Variants in TRPM1 observed in about 807,000 individuals in gnomAD.
TRPM1 encodes TRPM1-203 APA Isoform, Intron 10.
In TRPM1, 113 loss-of-function variants were observed where a neutral mutation model predicts 149.4. That is an observed-to-expected ratio of 0.76 (90% CI 0.65 to 0.88). The LOEUF is 0.88. TRPM1 is among the 40% of genes least tolerant of loss of function. The pLI is 0.00. For missense variants in TRPM1, 1,976 were observed against 2,038.7 expected (o/e 0.97, Z 0.59); for synonymous variants, 741 against 759.5 (o/e 0.98, Z 0.40).
chr15:31,108,329 T>C (rs1489963698), intron 1 of TRPM1, among the ~76,000 whole-genome samples: 1 of 152,208 alleles, frequency 6.6e-6, no homozygotes, highest in East Asian at 1.9e-4. Context: ...TATTTTGTTG[T>C]TGGGTGTAGT....
In TRPM1 at chr15:31,002,663, A is replaced by T; in HGVS notation, c.4037T>A (p.Leu1346His). Reference protein sequence around the residue: ...THLVPECQNSLHLSLGTSTSA... With the variant: ...THLVPECQNSHHLSLGTSTSA... ...TGTGCTTGTGCCCAGTGAAAGGTGA[A>T]GACTGTTCTGACATTCTGGGACTAG... Residue 1346 changes from leucine to histidine, a missense_variant, in exon 28 of 28, where the codon CTT (leucine) becomes CAT (histidine). Leu to His is a moderately conservative substitution (Grantham distance 99, BLOSUM62 -3). This residue lies in a region of TRPM1 where 572 missense variants were observed against 578.9 expected (regional missense o/e 0.99). Transcript: ENST00000256552. 6.2e-7 allele frequency: 1 copy of T among 1,614,208 alleles called. No homozygotes were observed. The highest frequency in any genetic ancestry group is 1.1e-5 in the South Asian group (1 of 91,084).
intron 1 of TRPM1, among the ~76,000 whole-genome samples, chr15:31,113,653 T>C (rs1318340415): frequency 3.9e-5 from 6 of 152,150 alleles, no homozygotes; most frequent in Non-Finnish European, 7.3e-5. Flanking sequence ...TATCAACTAG[T>C]TTTTTGCCCT....
At chr15:31,070,862 T>C (rs1372758246) in intron 3 of TRPM1, among the ~76,000 whole-genome samples, 1 of 152,224 alleles carries the variant, frequency 6.6e-6, no homozygotes, top group South Asian at 2.1e-4. Flanking sequence ...TTTTCCATAT[T>C]GTTGAATTGT....
intron 1 of TRPM1, among the ~76,000 whole-genome samples, chr15:31,100,352 G>A (rs2035486868): frequency 6.6e-6 from 1 of 151,950 alleles, no homozygotes; most frequent in African/African-American, 2.4e-5. Flanking sequence ...TGGGATTACA[G>A]CCATGAGCCA....
chr15:31,068,854 C>T (rs1007034137), intron 4 of TRPM1, among the ~76,000 whole-genome samples: 33 of 151,848 alleles, frequency 2.2e-4, no homozygotes, highest in Non-Finnish European at 4.0e-4. Flanking sequence ...GATGGGCCCT[C>T]GCCAGGCACC....
At chr15:31,131,865 A>G (rs948611134) in intron 1 of TRPM1, among the ~76,000 whole-genome samples, 9 of 136,734 alleles carry the variant, frequency 6.6e-5, no homozygotes, top group Non-Finnish European at 1.2e-4. Flanking sequence ...CTGTGAGTGT[A>G]GTTCCTACCA....
At chr15:31,158,471 C>T (rs150399720) in intron 1 of TRPM1, among the ~76,000 whole-genome samples, 2 of 151,716 alleles carry the variant, frequency 1.3e-5, no homozygotes, top group Non-Finnish European at 2.9e-5. Flanking sequence ...ACTAAAAATA[C>T]AAAAAATTAT....
rs369217242 is a variant in TRPM1 at position 31,066,073 on chromosome 15, T to C, written c.790+3A>G. 8.1e-6 allele frequency: 13 copies of C among 1,613,764 alleles called. No individual in the cohort carries two copies. In the African/African-American group the frequency reaches 1.7e-4, roughly 22 times the overall value. The stretch of plus-strand genomic sequence containing the variant: ...AGGACTGCGTGCCTTTGCCAGCACT[T>C]ACTTGTGTTGATCTTCTGCAGGGAG... On this transcript the variant is annotated splice_donor_region_variant and intron_variant, in intron 7 of 27. Transcript: ENST00000256552.
intron 27 of TRPM1, among the ~76,000 whole-genome samples, chr15:31,013,479 T>A (rs2032256533): frequency 6.6e-6 from 1 of 152,160 alleles, no homozygotes; most frequent in South Asian, 2.1e-4. Context: ...TTAAATATAT[T>A]TAAAATAGCT....
Position 31,062,617 on chromosome 15 carries a change from A to G in TRPM1, c.1051T>C (p.Phe351Leu). 6.2e-7 allele frequency: 1 copy of G among 1,614,186 alleles called. No individual in the cohort carries two copies. Among genetic ancestry groups the G allele is most frequent in the Non-Finnish European group, 8.5e-7 (1 of 1,180,014 alleles). ...NYNKAQSHQL[F>L]AIIMECMKKK... ...TTCATGCACTCCATTATAATTGCAA[A>G]CAGCTGATGTGATTGTGCCTTATTA... Residue 351 changes from phenylalanine (F) to leucine (L), a missense_variant, in exon 9 of 28, where the codon TTT (phenylalanine) becomes CTT (leucine). Coordinates refer to ENST00000256552, the MANE Select transcript of TRPM1 (RefSeq NM_001252024.2).
intron 1 of TRPM1, among the ~76,000 whole-genome samples, chr15:31,085,939 C>T (rs1461993846): frequency 6.6e-6 from 1 of 152,110 alleles, no homozygotes; most frequent in East Asian, 1.9e-4. Flanking sequence ...GACCCCAGGC[C>T]CAGACTGATG....
At chr15:31,071,980 CATATATATAT>C (rs71471861) in intron 3 of TRPM1, among the ~76,000 whole-genome samples, 1,115 of 76,986 alleles carry the variant, frequency 0.014, 33 homozygotes, top group Admixed American at 0.043. Flanking sequence ...AAAAAAAAAA[CATATATATAT>C]ATATATATAT....
At chr15:31,128,860 T>A (rs1192673887) in intron 1 of TRPM1, among the ~76,000 whole-genome samples, 1 of 152,260 alleles carries the variant, frequency 6.6e-6, no homozygotes, top group East Asian at 1.9e-4. Context: ...CCAGCATTTT[T>A]ATTTTGCATA....
At chr15:31,091,064 G>A (rs1347658500) in intron 1 of TRPM1, among the ~76,000 whole-genome samples, 3 of 152,234 alleles carry the variant, frequency 2.0e-5, no homozygotes, top group East Asian at 3.8e-4. Context: ...AAAGTGCAAC[G>A]AGGGTAATAG....
intron 27 of TRPM1, among the ~76,000 whole-genome samples, chr15:31,011,774 C>T (rs947482146): frequency 1.3e-5 from 2 of 151,478 alleles, no homozygotes; most frequent in African/African-American, 2.4e-5. Context: ...AAGTGATTCT[C>T]GTGCCTCAGC....
chr15:31,049,649 T>C, intron 12 of TRPM1, 140 bp from the exon 13 acceptor site: 1 of 941,502 alleles, frequency 1.1e-6, no homozygotes, highest in South Asian at 1.3e-5. Flanking sequence ...GCTCTTTATC[T>C]TGGGTAAACA....
At chr15:31,059,181 G>A (rs1456475126) in intron 11 of TRPM1, among the ~76,000 whole-genome samples, 1 of 152,142 alleles carries the variant, frequency 6.6e-6, no homozygotes, top group Non-Finnish European at 1.5e-5. Context: ...CTATTACCAA[G>A]TGGAGAATTG....
chr15:31,077,076 C>T lies in TRPM1; in HGVS notation c.4-92G>A, dbSNP rs1485125946. 18 of 809,714 alleles carry T rather than the reference C, an allele frequency of 2.2e-5. No individual in the cohort carries two copies. The East Asian group carries it at 4.7e-4, about 21-fold the overall frequency. 50.2% of individuals were successfully genotyped at this position (809,714 alleles called of 1,614,324 possible). The stretch of plus-strand genomic sequence containing the variant: ...ATACCTTTATAAAACAATATGTCTG[C>T]CCACAACATCTGAATAGTCATCTGC... On this transcript the variant is annotated intron_variant, in intron 2 of 27. Transcript: ENST00000256552.
intron 1 of TRPM1, among the ~76,000 whole-genome samples, chr15:31,132,661 G>T (rs150661521): frequency 6.6e-6 from 1 of 152,272 alleles, no homozygotes; most frequent in East Asian, 1.9e-4. Flanking sequence ...TTCCCGACAG[G>T]GCGCCAGTGA....
Sources: gnomAD v4.1 joint callset for allele counts (sites outside exome capture counted in the v4.1 genomes callset) on GRCh38, gnomAD v4.1.1 for gene constraint, gnomAD v4.1.1 regional missense constraint, MANE v1.5 for transcripts, NCBI Gene and HGNC (gene_info 2026-07-23, HGNC 2026-07-21) for gene names.